VSX2: variants seen among roughly 807,000 people sequenced by gnomAD.
The protein encoded by VSX2 is ceh-10 homeo domain containing homolog.
VSX2 carries 28 observed loss-of-function variants against 32.1 expected under a neutral mutation model. That is an observed-to-expected ratio of 0.87 (90% CI 0.65 to 1.20). The LOEUF is 1.20. Among genes scored for constraint, VSX2 ranks in the 50% most tolerant of loss-of-function variants. The probability of loss-of-function intolerance (pLI) is 0.00; values close to 1 mark genes in which losing one functional copy is unlikely to be tolerated. For missense variants in VSX2, 506 were observed against 488.7 expected (o/e 1.04, Z -0.33); for synonymous variants, 243 against 214.1 (o/e 1.14, Z -1.18).
intron 3 of VSX2, among the ~76,000 whole-genome samples, chr14:74,254,655 G>T (rs79077020): frequency 0.019 from 2,953 of 152,192 alleles, 106 homozygotes; most frequent in African/African-American, 0.066. Flanking sequence ...CTTGCCTTCC[G>T]GGTAGGCTCC....
intron 3 of VSX2, among the ~76,000 whole-genome samples, chr14:74,258,682 C>T (rs2079283795): frequency 6.6e-6 from 1 of 152,160 alleles, no homozygotes; most frequent in African/African-American, 2.4e-5. Context: ...GAAAGCTGCT[C>T]TGGGGGACCA....
chr14:74,250,898 C>T (rs1205608780), intron 3 of VSX2, among the ~76,000 whole-genome samples: 2 of 151,680 alleles, frequency 1.3e-5, no homozygotes, highest in Admixed American at 6.6e-5. Context: ...CTGCCCGCCT[C>T]GGCCTCCCAA....
rs1049320837 is a variant in VSX2, at chr14:74,245,433, G to T, written c.579+145G>T. 3.4e-6 allele frequency: 4 copies of T among 1,176,036 alleles called. No homozygotes were observed. In the African/African-American group the frequency reaches 6.1e-5, roughly 18 times the overall value. The allele number at this position is 1,176,036 out of a possible 1,614,324, so 72.9% of individuals were successfully genotyped here. A position where few individuals can be genotyped will look rare whatever the true frequency, so the allele number is the denominator to read the frequency against. ...ATGATCATGTTCTCAGCCTATTTAA[G>T]CTGAACACCTGCCACATGAGGTGGG... On this transcript the variant is annotated intron_variant, in intron 3 of 4. Coordinates refer to ENST00000261980, the MANE Select transcript of VSX2 (RefSeq NM_182894.3).
chr14:74,253,690 G>A (rs141160000), intron 3 of VSX2, among the ~76,000 whole-genome samples: 85 of 152,306 alleles, frequency 5.6e-4, no homozygotes, highest in African/African-American at 1.9e-3. Flanking sequence ...CAGCACTTTC[G>A]GAGGCCGAGG....
At chr14:74,245,619 G>A (rs1250363438) in intron 3 of VSX2, among the ~76,000 whole-genome samples, 1 of 152,060 alleles carries the variant, frequency 6.6e-6, no homozygotes, top group Non-Finnish European at 1.5e-5. Context: ...TTGAGGCGGA[G>A]GTCCCTTTGG....
Position 74,260,671 on chromosome 14 carries a change from C to G in VSX2, c.838C>G (p.Leu280Val). The change falls in exon 5 of 5, where the codon CTC (leucine) becomes GTC (valine). Residue 280 changes from leucine to valine, a missense_variant. Physicochemically the swap from Leu to Val is conservative, Grantham distance 32. Transcript: ENST00000261980. ...PEGERQALPK[L>V]DKMEQDERGP... is the part of the protein sequence containing the mutation. ...GGGGGAACGCCAGGCCCTGCCCAAG[C>G]TCGACAAGATGGAGCAGGACGAGCG... is the stretch of plus-strand genomic sequence containing the variant. 6.2e-7 allele frequency: 1 copy of G among 1,600,852 alleles called. No individual in the cohort carries two copies. Among genetic ancestry groups the G allele is most frequent in the South Asian group, 1.1e-5 (1 of 88,520 alleles).
intron 4 of VSX2, among the ~76,000 whole-genome samples, 176 bp downstream of exon 4, chr14:74,259,958 G>A (rs2079293531): frequency 6.6e-6 from 1 of 152,182 alleles, no homozygotes; most frequent in African/African-American, 2.4e-5. Context: ...GGGTGGGCCT[G>A]GGGCCTGGTG....
chr14:74,254,640 A>T (rs1172122329), intron 3 of VSX2, among the ~76,000 whole-genome samples: 2 of 152,192 alleles, frequency 1.3e-5, no homozygotes, highest in Non-Finnish European at 2.9e-5. Flanking sequence ...AATGCCATTG[A>T]TTAACTTGCC....
chr14:74,239,628 G>T lies in VSX2; in HGVS notation c.67G>T (p.Gly23Trp), dbSNP rs1213638238. Residue 23 changes from glycine (G) to tryptophan (W), a missense_variant, in exon 1 of 5, where the codon GGG becomes TGG. By Grantham distance (184) the Gly-to-Trp change is radical (BLOSUM62 -2). Coordinates refer to ENST00000261980, the MANE Select transcript of VSX2 (RefSeq NM_182894.3). ...KSETVAKSTS[G>W]GAPARCTGFG... is the part of the protein sequence containing the mutation. ...CGAGACAGTGGCCAAGAGTACCTCGGGGGGCGCCCCGGCCAGGTGCACTGG... is the reference window on the plus strand; with the variant it reads ...CGAGACAGTGGCCAAGAGTACCTCGTGGGGCGCCCCGGCCAGGTGCACTGG... 1 of 1,551,200 alleles carries T rather than the reference G, an allele frequency of 6.4e-7. No homozygotes were observed. The highest frequency in any genetic ancestry group is 1.4e-5 in the African/African-American group (1 of 73,192).
At chr14:74,247,934 C>A (rs1345958560) in intron 3 of VSX2, among the ~76,000 whole-genome samples, 1 of 152,132 alleles carries the variant, frequency 6.6e-6, no homozygotes, top group Non-Finnish European at 1.5e-5. Context: ...CTGTGTCTTT[C>A]ATTTCCTCAC....
chr14:74,244,945 A>AGT (rs59905689), intron 2 of VSX2, among the ~76,000 whole-genome samples: 935 of 60,078 alleles, frequency 0.016, 35 homozygotes, highest in South Asian at 0.025. Flanking sequence ...AGAGAGAGAA[A>AGT]GTGTGTGTGT....
At chr14:74,241,754 C>A (rs921037753) in intron 2 of VSX2, among the ~76,000 whole-genome samples, 1 of 152,216 alleles carries the variant, frequency 6.6e-6, no homozygotes, top group Non-Finnish European at 1.5e-5. Context: ...AAAGCTGGAG[C>A]GATCTCTGCA....
chr14:74,255,639 TA>T (rs899961158), intron 3 of VSX2, among the ~76,000 whole-genome samples: 2 of 152,214 alleles, frequency 1.3e-5, no homozygotes, highest in African/African-American at 4.8e-5. Context: ...CCCCCTTCTT[TA>T]GTACCCTAAA....
chr14:74,247,287 G>A (rs189413867), intron 3 of VSX2, among the ~76,000 whole-genome samples: 136 of 152,264 alleles, frequency 8.9e-4, no homozygotes, highest in African/African-American at 3.1e-3. Context: ...CTGAGTTCAC[G>A]ATGTACACAG....
At chr14:74,254,343 G>A (rs2079248715) in intron 3 of VSX2, among the ~76,000 whole-genome samples, 1 of 151,872 alleles carries the variant, frequency 6.6e-6, no homozygotes. Flanking sequence ...CCCAGGAGGT[G>A]GAGGTCGCAG....
chr14:74,246,843 A>G (rs752462081), intron 3 of VSX2, among the ~76,000 whole-genome samples: 6 of 152,028 alleles, frequency 3.9e-5, no homozygotes, highest in Non-Finnish European at 7.4e-5. Flanking sequence ...GGGAGGGTGG[A>G]TGAGGTGTTT....
In VSX2 at chr14:74,239,452, A is replaced by G; in HGVS notation, c.-110A>G. On this transcript the variant is annotated 5_prime_UTR_variant, in exon 1 of 5. Transcript: ENST00000261980. The stretch of plus-strand genomic sequence containing the variant: ...GGGGAATCTCCTTGGGCTCCAGAGC[A>G]TTAGACACCGGAGGGGGCACCTGGG... 1.4e-6 allele frequency: 2 copies of G among 1,463,266 alleles called. No homozygotes were observed. Among genetic ancestry groups the G allele is most frequent in the South Asian group, 1.2e-5 (1 of 81,610 alleles). The allele number at this position is 1,463,266 out of a possible 1,614,324, so 90.6% of individuals were successfully genotyped here. A position where few individuals can be genotyped will look rare whatever the true frequency, so the allele number is the denominator to read the frequency against.
Position 74,250,885 on chromosome 14 carries a change from G to A in VSX2, c.579+5597G>A, listed in dbSNP as rs1226735275. Among the ~76,000 whole-genome samples the A allele has an allele frequency of 2.6e-5, 4 of 151,904 alleles. No homozygotes were observed. In the East Asian group the frequency reaches 7.9e-4, roughly 30 times the overall value. On this transcript the variant is annotated intron_variant, in intron 3 of 4. Coordinates refer to ENST00000261980, the MANE Select transcript of VSX2 (RefSeq NM_182894.3). ...GATAGTCTCGATCTCTTGACCTCGT[G>A]ATCTGCCCGCCTCGGCCTCCCAAAA... is the stretch of plus-strand genomic sequence containing the variant.
chr14:74,256,937 C>T (rs186130508), intron 3 of VSX2, among the ~76,000 whole-genome samples: 1,608 of 152,134 alleles, frequency 0.011, 68 homozygotes, highest in Admixed American at 0.079. Flanking sequence ...GCCTCCCAAA[C>T]TGCTGGGATT....
Sources: gnomAD v4.1 joint callset for allele counts (sites outside exome capture counted in the v4.1 genomes callset) on GRCh38, gnomAD v4.1.1 for gene constraint, MANE v1.5 for transcripts, NCBI Gene and HGNC (gene_info 2026-07-23, HGNC 2026-07-21) for gene names.